The following ZFR variants were observed in gnomAD, a reference collection of about 807,000 sequenced individuals.
The protein encoded by ZFR is zinc finger RNA-binding protein.
A neutral mutation model predicts 130.7 loss-of-function variants in ZFR; 19 were observed. That is an observed-to-expected ratio of 0.15 (90% CI 0.10 to 0.21). The LOEUF (loss-of-function observed/expected upper bound fraction) is 0.21, where lower values mean the gene tolerates loss of function less well. Among genes scored for constraint, ZFR ranks in the 10% least tolerant of loss-of-function variants. The pLI is 1.00. For synonymous variants in ZFR, 466 were observed against 456.9 expected, an observed-to-expected ratio of 1.02 and a Z score of -0.25; for missense variants, 872 against 1,321.5, an observed-to-expected ratio of 0.66 and a Z score of 5.27.
chr5:32,372,649 A>G (rs530803614), intron 17 of ZFR, among the ~76,000 whole-genome samples: 1 of 152,226 alleles, frequency 6.6e-6, no homozygotes, highest in African/African-American at 2.4e-5. Flanking sequence ...CCTGGCCAAC[A>G]TGGTGAAACT....
chr5:32,410,219 T>G (rs1191117478), intron 5 of ZFR, among the ~76,000 whole-genome samples: 2 of 137,966 alleles, frequency 1.4e-5, no homozygotes, highest in African/African-American at 2.7e-5. Flanking sequence ...AAGGTGGAGG[T>G]TGCAGTGAGC....
chr5:32,358,650 A>T (rs549192207), intron 19 of ZFR, among the ~76,000 whole-genome samples: 1 of 152,230 alleles, frequency 6.6e-6, no homozygotes, highest in South Asian at 2.1e-4. Context: ...AAAAATTTAA[A>T]TCAATTTTTA....
At chr5:32,379,401 G>A in intron 16 of ZFR, 191 bp from the exon 17 acceptor site, 2 of 614,300 alleles carry the variant, frequency 3.3e-6, no homozygotes, top group East Asian at 3.0e-5. Flanking sequence ...TTAAAAGCTG[G>A]TATTTAGGTC....
intron 9 of ZFR, among the ~76,000 whole-genome samples, chr5:32,399,277 AC>A (rs1287331133): frequency 2.8e-5 from 2 of 71,166 alleles, no homozygotes; most frequent in Non-Finnish European, 6.8e-5. Context: ...TCTGTCTCAA[AC>A]AAAAACAAAA....
At chr5:32,392,340 G>A (rs1753199889) in intron 11 of ZFR, among the ~76,000 whole-genome samples, 1 of 152,094 alleles carries the variant, frequency 6.6e-6, no homozygotes, top group African/African-American at 2.4e-5. Flanking sequence ...CTATAGAAGA[G>A]AATTCCCAAT....
At chr5:32,423,177 A>T (rs894615297) in intron 2 of ZFR, among the ~76,000 whole-genome samples, 2 of 152,030 alleles carry the variant, frequency 1.3e-5, no homozygotes, top group Admixed American at 6.6e-5. Flanking sequence ...TACAAAAAAC[A>T]CAAAAATTAG....
intron 17 of ZFR, among the ~76,000 whole-genome samples, chr5:32,372,447 C>T (rs1752694193): frequency 6.6e-6 from 1 of 152,102 alleles, no homozygotes; most frequent in Admixed American, 6.6e-5. Flanking sequence ...TGAGTTTGAA[C>T]TGCACAGATC....
intron 8 of ZFR, 108 bp downstream of exon 8, chr5:32,402,998 A>G: frequency 9.3e-7 from 1 of 1,080,274 alleles, no homozygotes; most frequent in South Asian, 1.5e-5. Context: ...GGTCCCAGAG[A>G]GAAGGGAGGA....
chr5:32,437,693 T>C (rs1162943670), intron 2 of ZFR, among the ~76,000 whole-genome samples: 1 of 152,064 alleles, frequency 6.6e-6, no homozygotes, highest in East Asian at 1.9e-4. Context: ...TGAGTAAAAA[T>C]GTAGCTGATT....
intron 11 of ZFR, among the ~76,000 whole-genome samples, chr5:32,393,858 C>T (rs185518356): frequency 2.6e-5 from 4 of 152,034 alleles, no homozygotes; most frequent in African/African-American, 7.2e-5. Context: ...GCAGTAATAT[C>T]GCCTCAATAG....
intron 17 of ZFR, among the ~76,000 whole-genome samples, chr5:32,367,171 C>T (rs1286726740): frequency 6.6e-6 from 1 of 152,024 alleles, no homozygotes; most frequent in Non-Finnish European, 1.5e-5. Context: ...TGGTGGTTCA[C>T]GTCTGTAATC....
chr5:32,413,347 A>G (rs903557339), intron 5 of ZFR, among the ~76,000 whole-genome samples: 3 of 152,216 alleles, frequency 2.0e-5, no homozygotes, highest in Non-Finnish European at 4.4e-5. Flanking sequence ...TTTACAGAAT[A>G]GCACGTATAA....
At chr5:32,357,759 T>G (rs1396235296) in intron 19 of ZFR, among the ~76,000 whole-genome samples, 3 of 152,248 alleles carry the variant, frequency 2.0e-5, no homozygotes. Context: ...TGTGGCTCCT[T>G]AAGTCAGCTG....
intron 9 of ZFR, among the ~76,000 whole-genome samples, chr5:32,398,166 A>T (rs565147267): frequency 6.6e-6 from 1 of 152,110 alleles, no homozygotes; most frequent in Admixed American, 6.5e-5. Context: ...ACTATCTTTC[A>T]ATTTAATATT....
At position 32,372,691 on chromosome 5, in the gene ZFR, G is replaced by T. The variant is rs775176236; in HGVS notation, c.2835+6424C>A. On this transcript the variant is annotated intron_variant, in intron 17 of 19. Transcript: ENST00000265069. ...CTACTAAAAATACAAAAATTATCCA[G>T]ACATGGTGGCGCGCGCGCTTGTAAT... Among the ~76,000 whole-genome samples the T allele has an allele frequency of 3.1e-4, 47 of 151,998 alleles. No individual in the cohort carries two copies. The Middle Eastern group carries it at 0.01, about 33-fold the overall frequency.
chr5:32,413,674 T>TA (rs1201333712), intron 5 of ZFR, among the ~76,000 whole-genome samples: 1 of 151,970 alleles, frequency 6.6e-6, no homozygotes, highest in Non-Finnish European at 1.5e-5. Flanking sequence ...TGTGGACATT[T>TA]AAAAAAAATG....
At chr5:32,402,101 G>A (rs2111772037) in intron 8 of ZFR, among the ~76,000 whole-genome samples, 1 of 152,290 alleles carries the variant, frequency 6.6e-6, no homozygotes, top group South Asian at 2.1e-4. Flanking sequence ...GAATTTACCA[G>A]AAAGATTTTA....
At chr5:32,407,893 C>T (rs2111787084) in intron 5 of ZFR, among the ~76,000 whole-genome samples, 1 of 152,150 alleles carries the variant, frequency 6.6e-6, no homozygotes, top group Non-Finnish European at 1.5e-5. Flanking sequence ...GGGGTTTCGC[C>T]ACGTTGCCTA....
intron 2 of ZFR, among the ~76,000 whole-genome samples, chr5:32,436,140 CTTTTTTTTTTTTTT>C (rs370998112): frequency 6.5e-5 from 6 of 91,798 alleles, no homozygotes; most frequent in East Asian, 3.7e-4. Flanking sequence ...CAGTTGTATT[CTTTTTTTTTTTTTT>C]TTTTTTTTTT....
Sources: allele counts gnomAD v4.1 joint callset (sites outside exome capture counted in the v4.1 genomes callset), GRCh38; gene constraint gnomAD v4.1.1; transcripts MANE v1.5; gene names NCBI Gene and HGNC (gene_info 2026-07-23, HGNC 2026-07-21).